RNF214: variants seen among roughly 807,000 people sequenced by gnomAD.
The protein encoded by RNF214 is ring finger protein 214.
RNF214 carries 25 observed loss-of-function variants against 75.9 expected under a neutral mutation model. That is an observed-to-expected ratio of 0.33 (90% CI 0.24 to 0.46). The LOEUF (loss-of-function observed/expected upper bound fraction) is 0.46, where lower values mean the gene tolerates loss of function less well. Among genes scored for constraint, RNF214 ranks in the 20% least tolerant of loss-of-function variants. RNF214 has a pLI of 1.00. For synonymous variants in RNF214, 314 were observed against 308.8 expected, an observed-to-expected ratio of 1.02 and a Z score of -0.18; for missense variants, 725 against 857.5, an observed-to-expected ratio of 0.85 and a Z score of 1.93.
At chr11:117,271,638 T>A (rs2033912522) in intron 6 of RNF214, among the ~76,000 whole-genome samples, 1 of 152,206 alleles carries the variant, frequency 6.6e-6, no homozygotes, top group Non-Finnish European at 1.5e-5. Flanking sequence ...ATTTGCAGGA[T>A]ATCCATGCTA....
chr11:117,237,892 G>A (rs950628338), intron 2 of RNF214, among the ~76,000 whole-genome samples: 1 of 152,122 alleles, frequency 6.6e-6, no homozygotes, highest in Non-Finnish European at 1.5e-5. Context: ...TCTGTATAAT[G>A]AGTTTGAATG....
At chr11:117,248,511 C>G (rs1194502234) in intron 6 of RNF214, among the ~76,000 whole-genome samples, 1 of 152,190 alleles carries the variant, frequency 6.6e-6, no homozygotes, top group Non-Finnish European at 1.5e-5. Flanking sequence ...CGTCAGACTG[C>G]TGAGTTAGCA....
intron 4 of RNF214, among the ~76,000 whole-genome samples, chr11:117,240,887 C>A (rs1436963634): frequency 6.6e-6 from 1 of 151,814 alleles, no homozygotes; most frequent in Non-Finnish European, 1.5e-5. Context: ...ACTAAAAATA[C>A]AAAAATTTAG....
Position 117,285,443 on chromosome 11 carries a change from C to A in RNF214, c.*292C>A. 1 of 255,814 alleles carries A rather than the reference C, an allele frequency of 3.9e-6. No individual in the cohort carries two copies. The highest frequency in any genetic ancestry group is 7.5e-6 in the Non-Finnish European group (1 of 133,040). The allele number at this position is 255,814 out of a possible 1,614,324, so 15.8% of individuals were successfully genotyped here. Reference sequence around the variant, plus strand: ...GAAATTATGATATCCCTGCCCAGGGCTGTTTTCAAATACAATATAAAAACC... The same window carrying A: ...GAAATTATGATATCCCTGCCCAGGGATGTTTTCAAATACAATATAAAAACC... On this transcript the variant is annotated 3_prime_UTR_variant, in exon 15 of 15. Transcript: ENST00000300650.
chr11:117,280,288 A>G (rs1265872281), intron 8 of RNF214, 29 bp downstream of exon 8: 1 of 1,468,516 alleles, frequency 6.8e-7, no homozygotes, highest in African/African-American at 1.4e-5. Flanking sequence ...TAGAGCTTTA[A>G]TTGTTTTGCA....
At chr11:117,250,609 A>AT (rs58692621) in intron 6 of RNF214, among the ~76,000 whole-genome samples, 30,460 of 62,986 alleles carry the variant, frequency 0.48, 3,865 homozygotes, top group Non-Finnish European at 0.52. Flanking sequence ...TTATTTATTT[A>AT]TTTTTTTTTT....
chr11:117,271,932 C>T (rs2033919617), intron 6 of RNF214, among the ~76,000 whole-genome samples: 1 of 152,176 alleles, frequency 6.6e-6, no homozygotes, highest in African/African-American at 2.4e-5. Flanking sequence ...CCCACCTCAG[C>T]CTCCCAAGTA....
chr11:117,239,598 T>G (rs1444563408), intron 3 of RNF214: 3 of 567,242 alleles, frequency 5.3e-6, no homozygotes, highest in Non-Finnish European at 9.5e-6. Context: ...GGGTCTTGTT[T>G]GGGTTATTTT....
At chr11:117,248,064 A>G (rs1015385078) in intron 6 of RNF214, among the ~76,000 whole-genome samples, 6 of 151,726 alleles carry the variant, frequency 4.0e-5, no homozygotes, top group African/African-American at 1.5e-4. Flanking sequence ...CAGCTTCTCA[A>G]TTTTCTAAGT....
chr11:117,246,988 A>G (rs1334317039), intron 6 of RNF214, 40 bp downstream of exon 6: 3 of 1,504,216 alleles, frequency 2.0e-6, no homozygotes, highest in East Asian at 2.3e-5. Context: ...GTGTATGTAT[A>G]TATGCATGAG....
intron 6 of RNF214, among the ~76,000 whole-genome samples, chr11:117,262,195 T>A (rs912963613): frequency 1.3e-5 from 2 of 151,824 alleles, no homozygotes; most frequent in Non-Finnish European, 2.9e-5. Context: ...CACACCATTC[T>A]CCTGCCTCAG....
At chr11:117,258,369 G>A (rs1163453683) in intron 6 of RNF214, among the ~76,000 whole-genome samples, 3 of 151,772 alleles carry the variant, frequency 2.0e-5, no homozygotes, top group East Asian at 1.9e-4. Context: ...GCCCAGCCCC[G>A]TCTTTTCTTT....
At chr11:117,234,550 C>T (rs188848789) in intron 2 of RNF214, among the ~76,000 whole-genome samples, 171 bp downstream of exon 2, 17 of 152,306 alleles carry the variant, frequency 1.1e-4, no homozygotes, top group Non-Finnish European at 4.4e-5. Context: ...GCACCTGATA[C>T]TCAGCAGGCA....
chr11:117,284,996 C>G, intron 14 of RNF214, 90 bp from the exon 15 acceptor site: 1 of 923,352 alleles, frequency 1.1e-6, no homozygotes, highest in East Asian at 2.4e-5. Context: ...ACTTTTCTGA[C>G]TTAGGCCTTG....
At chr11:117,240,389 A>G (rs2033038474) in intron 4 of RNF214, among the ~76,000 whole-genome samples, 1 of 150,412 alleles carries the variant, frequency 6.6e-6, no homozygotes, top group Non-Finnish European at 1.5e-5. Flanking sequence ...AAAATTAAAA[A>G]AAAAAAAAAA....
rs1480927824 is a variant in RNF214 at position 117,236,864 on chromosome 11, GTACTT to G, written c.108-1734_108-1730del. Among the ~76,000 whole-genome samples, 4 of 152,236 alleles carry G rather than the reference GTACTT, an allele frequency of 2.6e-5. No individual in the cohort carries two copies. The East Asian group carries it at 7.7e-4, about 29-fold the overall frequency. ...TACTATGTGCCAGGCACTGTACTGAGTACTTTATGTGCATTATCTCATGTAATCCT... is the reference window on the plus strand; with the variant it reads ...TACTATGTGCCAGGCACTGTACTGAGTATGTGCATTATCTCATGTAATCCT... On this transcript the variant is annotated intron_variant, in intron 2 of 14. Transcript: ENST00000300650.
chr11:117,279,497 C>A (rs2034084409), intron 6 of RNF214, among the ~76,000 whole-genome samples: 1 of 152,018 alleles, frequency 6.6e-6, no homozygotes, highest in Admixed American at 6.6e-5. Context: ...CCATCACGCC[C>A]AGCTAATTTT....
chr11:117,255,548 C>G (rs2033500552), intron 6 of RNF214, among the ~76,000 whole-genome samples: 1 of 151,836 alleles, frequency 6.6e-6, no homozygotes. Flanking sequence ...GACAGGGTCT[C>G]AACTCTGTTG....
Position 117,238,661 on chromosome 11 carries a change from A to G in RNF214, c.168A>G (p.Thr56=). ...NSPLLSVSSQ[T]ITKENNRNVH... ...CTCTGTTGAGTGTAAGTAGCCAAAC[A>G]ATAACCAAGGAGAATAACAGAAATG... Residue 56 remains threonine (T), a synonymous_variant, in exon 3 of 15, where the codon ACA becomes ACG. Coordinates refer to ENST00000300650, the MANE Select transcript of RNF214 (RefSeq NM_207343.4). The G allele has an allele frequency of 6.2e-7, 1 of 1,614,232 alleles. No homozygotes were observed. The highest frequency in any genetic ancestry group is 8.5e-7 in the Non-Finnish European group (1 of 1,180,042).
Sources: allele counts gnomAD v4.1 joint callset (sites outside exome capture counted in the v4.1 genomes callset), GRCh38; gene constraint gnomAD v4.1.1; transcripts MANE v1.5; gene names NCBI Gene and HGNC (gene_info 2026-07-23, HGNC 2026-07-21).